NTM: variants seen among roughly 807,000 people sequenced by gnomAD.
NTM encodes the protein neurotrimin, also known as IgLON family member 2.
A neutral mutation model predicts 42.1 loss-of-function variants in NTM; 13 were observed. The observed-to-expected ratio is 0.31, with a 90% CI of 0.20 to 0.49. The LOEUF (loss-of-function observed/expected upper bound fraction) is 0.49. NTM is among the 20% of genes least tolerant of loss of function. The pLI, the probability that NTM is intolerant of heterozygous loss-of-function variation, is 0.99. For synonymous variants in NTM, 187 were observed against 179.2 expected (o/e 1.04, Z -0.35); for missense variants, 373 against 452.8 (o/e 0.82, Z 1.60).
At chr11:132,250,009 G>A (rs2091748506) in intron 4 of NTM, among the ~76,000 whole-genome samples, 1 of 152,148 alleles carries the variant, frequency 6.6e-6, no homozygotes, top group Non-Finnish European at 1.5e-5. Context: ...CCTTACATCT[G>A]GGATTATTTT....
At chr11:131,737,750 C>T (rs976015404) in intron 1 of NTM, among the ~76,000 whole-genome samples, 1 of 152,064 alleles carries the variant, frequency 6.6e-6, no homozygotes, top group African/African-American at 2.4e-5. Flanking sequence ...GATTTCTGCC[C>T]TGGAGTGAGC....
intron 1 of NTM, among the ~76,000 whole-genome samples, chr11:131,402,785 T>A (rs1366317106): frequency 1.3e-5 from 2 of 152,192 alleles, no homozygotes; most frequent in African/African-American, 4.8e-5. Context: ...AGAACTCTTA[T>A]TAGAATTTTA....
At chr11:131,918,180 C>G (rs958518942) in intron 2 of NTM, among the ~76,000 whole-genome samples, 1 of 152,080 alleles carries the variant, frequency 6.6e-6, no homozygotes, top group Non-Finnish European at 1.5e-5. Context: ...GTGAGAGGGC[C>G]GGCAGCCAGT....
intron 2 of NTM, among the ~76,000 whole-genome samples, chr11:132,136,773 T>C (rs2068001446): frequency 6.6e-6 from 1 of 152,144 alleles, no homozygotes; most frequent in African/African-American, 2.4e-5. Context: ...GATGGTGCTT[T>C]AGGGTGATAG....
intron 1 of NTM, among the ~76,000 whole-genome samples, chr11:131,463,376 G>GC (rs1951587272): frequency 6.6e-6 from 1 of 152,164 alleles, no homozygotes; most frequent in South Asian, 2.1e-4. Flanking sequence ...ACCCAGCTCT[G>GC]CCCCCCAGTG....
intron 7 of NTM, among the ~76,000 whole-genome samples, chr11:132,327,381 G>T (rs1412518045): frequency 6.6e-6 from 1 of 152,180 alleles, no homozygotes; most frequent in Admixed American, 6.5e-5. Flanking sequence ...GGGGACTAAA[G>T]TAAACTCTGT....
intron 2 of NTM, among the ~76,000 whole-genome samples, chr11:132,098,680 C>T (rs2061311707): frequency 6.6e-6 from 1 of 152,250 alleles, no homozygotes; most frequent in Non-Finnish European, 1.5e-5. Context: ...AAACTTGCCC[C>T]CGTAGGCAAA....
At chr11:131,586,272 A>G (rs942038385) in intron 1 of NTM, among the ~76,000 whole-genome samples, 1 of 152,098 alleles carries the variant, frequency 6.6e-6, no homozygotes, top group Non-Finnish European at 1.5e-5. Flanking sequence ...AAGTCTTACT[A>G]TGTAGCCTCA....
intron 4 of NTM, among the ~76,000 whole-genome samples, chr11:132,297,687 T>C (rs990777046): frequency 5.3e-5 from 8 of 152,224 alleles, no homozygotes; most frequent in African/African-American, 1.9e-4. Flanking sequence ...TTGCCTATCA[T>C]CATCTACATT....
chr11:131,844,417 C>T (rs1325573619), intron 1 of NTM, among the ~76,000 whole-genome samples: 5 of 152,172 alleles, frequency 3.3e-5, no homozygotes, highest in African/African-American at 1.2e-4. Flanking sequence ...AGGATGAGTC[C>T]CCCCATCCTA....
At chr11:132,226,349 C>A (rs2086273697) in intron 4 of NTM, among the ~76,000 whole-genome samples, 1 of 152,194 alleles carries the variant, frequency 6.6e-6, no homozygotes, top group Non-Finnish European at 1.5e-5. Context: ...GTTCCTATTT[C>A]TCCACATCCT....
intron 3 of NTM, among the ~76,000 whole-genome samples, chr11:132,166,058 C>T (rs1392567416): frequency 6.6e-6 from 1 of 151,992 alleles, no homozygotes; most frequent in Non-Finnish European, 1.5e-5. Context: ...CTTTATGGCC[C>T]AAGTTTTCCT....
At chr11:132,054,428 G>T (rs1173304450) in intron 2 of NTM, among the ~76,000 whole-genome samples, 1 of 152,156 alleles carries the variant, frequency 6.6e-6, no homozygotes, top group East Asian at 1.9e-4. Context: ...TACTGGATGG[G>T]CACAGTGGAT....
chr11:131,879,554 G>A (rs764079718), intron 1 of NTM, among the ~76,000 whole-genome samples: 1 of 152,128 alleles, frequency 6.6e-6, no homozygotes, highest in Admixed American at 6.5e-5. Flanking sequence ...TTTCAGAAAG[G>A]TGGAATGGAA....
chr11:131,598,407 T>C (rs911877466), intron 1 of NTM, among the ~76,000 whole-genome samples: 12 of 152,216 alleles, frequency 7.9e-5, no homozygotes, highest in Non-Finnish European at 1.2e-4. Context: ...ACTACACGCT[T>C]GTCTTTCTAC....
intron 1 of NTM, among the ~76,000 whole-genome samples, chr11:131,479,501 C>A (rs1413125303): frequency 6.6e-6 from 1 of 152,112 alleles, no homozygotes; most frequent in African/African-American, 2.4e-5. Context: ...TAAGGGTCGC[C>A]TAAGGTGGAA....
At chr11:132,049,152 A>G (rs544840880) in intron 2 of NTM, among the ~76,000 whole-genome samples, 2 of 152,296 alleles carry the variant, frequency 1.3e-5, no homozygotes, top group Admixed American at 1.3e-4. Context: ...ACCTGAGGAC[A>G]AGAAACAAAA....
chr11:131,873,992 A>G (rs1046584080), intron 1 of NTM, among the ~76,000 whole-genome samples: 2 of 124,540 alleles, frequency 1.6e-5, no homozygotes, highest in African/African-American at 5.6e-5. Flanking sequence ...TATTATATAT[A>G]TTATATTTAC....
rs916925091 is a variant in NTM at position 132,002,564 on chromosome 11, T to C, written c.167+90916T>C. On this transcript the variant is annotated intron_variant, in intron 2 of 8. Transcript: ENST00000683400. The surrounding 1 kb of genome is among the most constrained non-coding windows in gnomAD (Gnocchi z 4.5). ...GATGTGTTGGTGTCTGTCCCCCAAA[T>C]TGGAGGCTTCTGGCCATTGCTTGAA... 9.9e-5 allele frequency among the ~76,000 whole-genome samples: 15 copies of C among 152,226 alleles called. No homozygotes were observed. Among genetic ancestry groups the C allele is most frequent in the African/African-American group, 3.6e-4 (15 of 41,462 alleles).
Sources: gnomAD v4.1 joint callset for allele counts (sites outside exome capture counted in the v4.1 genomes callset) on GRCh38, gnomAD v4.1.1 for gene constraint, Gnocchi (gnomAD v3.1) non-coding constraint, MANE v1.5 for transcripts, NCBI Gene and HGNC (gene_info 2026-07-23, HGNC 2026-07-21) for gene names.